NDUFS4: variants seen among roughly 807,000 people sequenced by gnomAD.
The protein encoded by NDUFS4 is NADH:ubiquinone oxidoreductase subunit S4, also known as NADH dehydrogenase [ubiquinone] iron-sulfur protein 4, mitochondrial.
In NDUFS4, 28 loss-of-function variants were observed where a neutral mutation model predicts 24.3. The ratio of observed to expected loss-of-function variants is 1.15; its 90% CI spans 0.85 to 1.58. NDUFS4 has a LOEUF of 1.58. Among genes scored for constraint, NDUFS4 ranks in the 40% most tolerant of loss-of-function variants. The pLI is 0.00. For missense variants in NDUFS4, 223 were observed against 207.9 expected (o/e 1.07, Z -0.45); for synonymous variants, 93 against 69.7 (o/e 1.34, Z -1.67).
intron 2 of NDUFS4, among the ~76,000 whole-genome samples, chr5:53,621,040 A>G (rs536440608): frequency 6.6e-6 from 1 of 152,320 alleles, no homozygotes; most frequent in Admixed American, 6.5e-5. Flanking sequence ...TTGAGAGAGA[A>G]GAGTTAACGT....
chr5:53,671,452 A>G (rs1400711778), intron 4 of NDUFS4, among the ~76,000 whole-genome samples: 2 of 152,184 alleles, frequency 1.3e-5, no homozygotes, highest in Non-Finnish European at 2.9e-5. Context: ...CAAAGAAAAT[A>G]TAAATACCCC....
intron 2 of NDUFS4, among the ~76,000 whole-genome samples, chr5:53,605,433 A>G (rs1750468490): frequency 2.0e-5 from 3 of 152,190 alleles, no homozygotes; most frequent in Admixed American, 1.3e-4. Context: ...AGTTTGAAGA[A>G]TGAGTGAGTC....
chr5:53,655,960 AT>A, intron 3 of NDUFS4, among the ~76,000 whole-genome samples: 1 of 152,098 alleles, frequency 6.6e-6, no homozygotes, highest in East Asian at 1.9e-4. Flanking sequence ...TCCCAGCTTC[AT>A]TTTGAAACCT....
rs979411599 is a variant in NDUFS4, at chr5:53,640,645, C to G, written c.178-5588C>G. On this transcript the variant is annotated intron_variant, in intron 2 of 4. Coordinates refer to ENST00000296684, the MANE Select transcript of NDUFS4 (RefSeq NM_002495.4). ...CTTGCAGAAACTAATAGAGCAAGAA[C>G]TCACCCATTACCACAAGGGCAGCAC... Among the ~76,000 whole-genome samples the G allele has an allele frequency of 1.2e-4, 19 of 152,196 alleles. 1 individual carries two copies. Among genetic ancestry groups the G allele is most frequent in the Admixed American group, 4.6e-4 (7 of 15,274 alleles).
At position 53,646,283 on chromosome 5, in the gene NDUFS4, A is replaced by G. The variant is rs769072530; in HGVS notation, c.228A>G (p.Lys76=). Residue 76 remains lysine (K), a synonymous_variant, in exon 3 of 5, where the codon AAA becomes AAG. Transcript: ENST00000296684. Reference sequence around the variant, plus strand: ...CAGAAGAGCATATAAAAACTAGAAAAGTCAGGATCTTTGTTCCTGCTCGCA... The same window carrying G: ...CAGAAGAGCATATAAAAACTAGAAAGGTCAGGATCTTTGTTCCTGCTCGCA... ...GVPEEHIKTR[K]VRIFVPARNN... is the part of the protein sequence containing the mutation. The G allele has an allele frequency of 6.2e-7, 1 of 1,613,422 alleles. No homozygotes were observed. The highest frequency in any genetic ancestry group is 1.1e-5 in the South Asian group (1 of 91,056).
chr5:53,662,297 G>A (rs1397996729), intron 4 of NDUFS4, among the ~76,000 whole-genome samples: 2 of 151,832 alleles, frequency 1.3e-5, no homozygotes, highest in East Asian at 1.9e-4. Flanking sequence ...GCTGGATTAC[G>A]TTTATTTTGT....
At chr5:53,585,051 T>C (rs1279576032) in intron 1 of NDUFS4, among the ~76,000 whole-genome samples, 3 of 152,184 alleles carry the variant, frequency 2.0e-5, no homozygotes, top group Non-Finnish European at 1.5e-5. Context: ...ACGTGGGCCA[T>C]AGTGCCTGAC....
chr5:53,637,648 G>GTTTCCT (rs1751596372), intron 2 of NDUFS4, among the ~76,000 whole-genome samples: 2 of 151,812 alleles, frequency 1.3e-5, no homozygotes, highest in East Asian at 3.9e-4. Flanking sequence ...CCTTAAATCT[G>GTTTCCT]GAAAACAAAA....
chr5:53,661,829 T>G (rs1085430), intron 4 of NDUFS4, among the ~76,000 whole-genome samples: 30,932 of 152,118 alleles, frequency 0.2, 3,667 homozygotes, highest in East Asian at 0.46. Context: ...ATGCTTGTGG[T>G]TTTTGCACAT....
At chr5:53,563,848 AT>A (rs1346420623) in intron 1 of NDUFS4, among the ~76,000 whole-genome samples, 1 of 152,116 alleles carries the variant, frequency 6.6e-6, no homozygotes, top group Non-Finnish European at 1.5e-5. Flanking sequence ...TTCCTAAGAG[AT>A]TTTCCAGGGT....
At chr5:53,614,609 A>C (rs779876746) in intron 2 of NDUFS4, among the ~76,000 whole-genome samples, 3 of 151,994 alleles carry the variant, frequency 2.0e-5, no homozygotes, top group Non-Finnish European at 4.4e-5. Flanking sequence ...CAATTAGCAA[A>C]ATACAGTAAA....
At chr5:53,646,581 G>A (rs1014419698) in intron 3 of NDUFS4, among the ~76,000 whole-genome samples, 176 bp downstream of exon 3, 3 of 52,182 alleles carry the variant, frequency 5.7e-5, no homozygotes, top group South Asian at 6.6e-4. Context: ...ATTCAGATAA[G>A]TGTGGCTTAG....
intron 1 of NDUFS4, among the ~76,000 whole-genome samples, chr5:53,563,188 C>A (rs1243574500): frequency 6.9e-6 from 1 of 145,466 alleles, no homozygotes; most frequent in Non-Finnish European, 1.5e-5. Flanking sequence ...AAGATCGCGC[C>A]ACTGCACTCC....
intron 1 of NDUFS4, among the ~76,000 whole-genome samples, chr5:53,587,580 CTT>C (rs11331609): frequency 0.099 from 14,087 of 142,956 alleles, 743 homozygotes; most frequent in Non-Finnish European, 0.14. Context: ...TCCCTAAATA[CTT>C]TTTTTTTTTT....
At chr5:53,586,514 T>TAG (rs1749760488) in intron 1 of NDUFS4, among the ~76,000 whole-genome samples, 1 of 96,496 alleles carries the variant, frequency 1.0e-5, no homozygotes, top group Non-Finnish European at 2.0e-5. Flanking sequence ...GTTAGTTAGT[T>TAG]TGTTTGTTTG....
intron 2 of NDUFS4, among the ~76,000 whole-genome samples, chr5:53,627,909 C>T (rs190844172): frequency 6.6e-6 from 1 of 152,116 alleles, no homozygotes; most frequent in South Asian, 2.1e-4. Flanking sequence ...CCAGAGCTTC[C>T]AGTACTATGT....
chr5:53,579,468 C>G (rs1227462336), intron 1 of NDUFS4, among the ~76,000 whole-genome samples: 1 of 152,130 alleles, frequency 6.6e-6, no homozygotes, highest in African/African-American at 2.4e-5. Flanking sequence ...TCCTAATCCC[C>G]AGAACCTGAG....
chr5:53,581,478 C>A (rs550142113), intron 1 of NDUFS4, among the ~76,000 whole-genome samples: 2 of 152,236 alleles, frequency 1.3e-5, no homozygotes, highest in East Asian at 3.9e-4. Context: ...CTGACCCAAT[C>A]TCCAGCTGTA....
chr5:53,656,030 T>G (rs1752153282), intron 3 of NDUFS4, among the ~76,000 whole-genome samples: 2 of 152,092 alleles, frequency 1.3e-5, no homozygotes, highest in African/African-American at 4.8e-5. Context: ...TTCCAGCTGC[T>G]CTGGCAATCC....
Sources: allele counts gnomAD v4.1 joint callset (sites outside exome capture counted in the v4.1 genomes callset), GRCh38; gene constraint gnomAD v4.1.1; transcripts MANE v1.5; gene names NCBI Gene and HGNC (gene_info 2026-07-23, HGNC 2026-07-21).